COL5A3: variants seen among roughly 807,000 people sequenced by gnomAD.
COL5A3 encodes collagen type V alpha 3 chain.
COL5A3 carries 172 observed loss-of-function variants against 250.0 expected under a neutral mutation model. The ratio of observed to expected loss-of-function variants is 0.69; its 90% confidence interval spans 0.61 to 0.78. The LOEUF is 0.78. COL5A3 is among the 30% of genes least tolerant of loss of function. The pLI is 0.00. For synonymous variants in COL5A3, 937 were observed against 900.4 expected (o/e 1.04, Z -0.73); for missense variants, 2,340 against 2,334.4 (o/e 1.00, Z -0.05).
At chr19:9,967,292 C>G in intron 62 of COL5A3, 55 bp downstream of exon 62, 2 of 1,304,668 alleles carry the variant, frequency 1.5e-6, no homozygotes, top group South Asian at 4.0e-5. Flanking sequence ...CAGACATAGT[C>G]CTTGCTCTCC....
chr19:9,999,359 A>ATTT (rs1260247682), intron 8 of COL5A3, among the ~76,000 whole-genome samples: 35 of 141,404 alleles, frequency 2.5e-4, no homozygotes, highest in African/African-American at 9.4e-4. Flanking sequence ...ATGCCCAGCT[A>ATTT]TTTTTTATTT....
chr19:10,003,773 AG>A (rs1392852108), intron 5 of COL5A3, 59 bp from the exon 6 acceptor site: 1 of 1,602,194 alleles, frequency 6.2e-7, no homozygotes, highest in Non-Finnish European at 8.5e-7. Context: ...CCCATCATTC[AG>A]GTCACCTGGG....
At chr19:9,990,060 AGACACACTTCTGT>A (rs563149490) in intron 24 of COL5A3, among the ~76,000 whole-genome samples, 56,517 of 142,898 alleles carry the variant, frequency 0.4, 11,664 homozygotes, top group African/African-American at 0.58. Context: ...CTTCCCTGGC[AGACACACTTCTGT>A]GTGATAATTT....
rs774328155 is a variant in COL5A3, at chr19:9,996,242, A to AG, written c.1442dup (p.Gly482TrpfsTer66). ...GGCGCCCAGTGAGCCCCACTGGACC[A>AG]GGGGGGCCTTTCATAGAGAGCTGGA... On this transcript the variant is annotated frameshift_variant, in exon 14 of 67. Transcript: ENST00000264828. LOFTEE classifies it high-confidence loss of function. The AG allele has an allele frequency of 8.9e-6, 14 of 1,576,106 alleles. No individual in the cohort carries two copies. The highest frequency in any genetic ancestry group is 2.3e-5 in the South Asian group (2 of 85,428).
Position 10,006,104 on chromosome 19 carries a change from C to G in COL5A3, c.216G>C (p.Thr72=). 1 of 1,613,982 alleles carries G rather than the reference C, an allele frequency of 6.2e-7. No homozygotes were observed. The highest frequency in any genetic ancestry group is 8.5e-7 in the Non-Finnish European group (1 of 1,179,908). The part of the protein sequence containing the change: ...DRAFRIGQAS[T]LGIPTWELFP... The stretch of plus-strand genomic sequence containing the variant: ...AGAGTTCCCACGTGGGGATGCCGAG[C>G]GTGCTGGCCTGGCCAATTCTGAATG... The change falls in exon 2 of 67, where the codon ACG becomes ACC. Residue 72 remains threonine, a synonymous_variant. Transcript: ENST00000264828.
At chr19:9,988,855 A>AGAGAGAGAAAG (rs1555738984) in intron 27 of COL5A3, among the ~76,000 whole-genome samples, 16 of 104,762 alleles carry the variant, frequency 1.5e-4, no homozygotes, top group African/African-American at 4.9e-4. Flanking sequence ...AAAAAAAAAA[A>AGAGAGAGAAAG]AAAGAAAGTA....
At chr19:9,970,352 T>TG (rs1568407677) in intron 54 of COL5A3, among the ~76,000 whole-genome samples, 75 of 46,994 alleles carry the variant, frequency 1.6e-3, no homozygotes, top group Non-Finnish European at 1.9e-3. Context: ...GTGTGTTCTG[T>TG]GGCTGAGTGG....
chr19:9,979,438 T>C, intron 37 of COL5A3, 21 bp from the exon 38 acceptor site: 1 of 1,613,354 alleles, frequency 6.2e-7, no homozygotes, highest in South Asian at 1.1e-5. Context: ...AAATTAAATG[T>C]GGGGGCGGTG....
At chr19:9,985,055 TCTC>T (rs933241275) in intron 31 of COL5A3, among the ~76,000 whole-genome samples, 41 of 149,676 alleles carry the variant, frequency 2.7e-4, no homozygotes, top group African/African-American at 9.7e-4. Context: ...GTCAAACAAT[TCTC>T]CTGTCTCAGC....
rs1427950169 is a variant in COL5A3, at chr19:9,985,851, A to C, written c.2397T>G (p.Pro799=). The C allele has an allele frequency of 6.2e-7, 1 of 1,613,694 alleles. No homozygotes were observed. The highest frequency in any genetic ancestry group is 1.7e-5 in the Admixed American group (1 of 59,972). The change falls in exon 31 of 67, where the codon CCT becomes CCG. Residue 799 remains proline (P), a synonymous_variant. Transcript: ENST00000264828. ...VPGLPGYPGR[P]GPKGSIGFPG... is the part of the protein sequence containing the mutation. ...ACCCCCAGCTTCCTACCTTAGGTCC[A>C]GGGCGTCCTGGATAACCTGGGAGGC...
intron 11 of COL5A3, chr19:9,997,045 G>C: frequency 3.7e-6 from 2 of 533,402 alleles, no homozygotes; most frequent in Admixed American, 7.2e-5. Context: ...CGAACATAGA[G>C]AGATGGACGG....
chr19:9,982,960 A>C (rs2087031020), intron 31 of COL5A3, among the ~76,000 whole-genome samples: 1 of 152,004 alleles, frequency 6.6e-6, no homozygotes, highest in African/African-American at 2.4e-5. Context: ...GGCTCAAGTG[A>C]TCCTCCTACC....
chr19:9,996,791 G>GA, intron 11 of COL5A3, 102 bp from the exon 12 acceptor site: 13 of 817,674 alleles, frequency 1.6e-5, no homozygotes, highest in Non-Finnish European at 2.3e-5. Flanking sequence ...GAGAGAGAGA[G>GA]GGAGAGATGG....
At chr19:9,986,959 G>C (rs934446988) in intron 27 of COL5A3, among the ~76,000 whole-genome samples, 1 of 152,124 alleles carries the variant, frequency 6.6e-6, no homozygotes, top group East Asian at 1.9e-4. Context: ...TCTGTGCGGG[G>C]GTGTGCAGGG....
rs1428593166 is a variant in COL5A3 at position 9,993,365 on chromosome 19, C to T, written c.1749+15G>A. The stretch of plus-strand genomic sequence containing the variant: ...TTACTTTCCAAACCAGGCCCTAACT[C>T]TCTTCCAAACTTACCCTCTCACCAT... On this transcript the variant is annotated intron_variant, in intron 19 of 66. Coordinates refer to ENST00000264828, the MANE Select transcript of COL5A3 (RefSeq NM_015719.4). The T allele has an allele frequency of 1.2e-6, 2 of 1,613,878 alleles. No homozygotes were observed. Among genetic ancestry groups the T allele is most frequent in the African/African-American group, 2.7e-5 (2 of 74,928 alleles).
chr19:9,976,201 T>C (rs1257632076), intron 45 of COL5A3, among the ~76,000 whole-genome samples: 3 of 151,788 alleles, frequency 2.0e-5, no homozygotes. Context: ...AATTCTGGGG[T>C]TGAGTTCACA....
intron 5 of COL5A3, 22 bp from the exon 6 acceptor site, chr19:10,003,736 G>A (rs926783356): frequency 8.1e-6 from 13 of 1,613,388 alleles, no homozygotes; most frequent in Non-Finnish European, 1.0e-5. Flanking sequence ...GTTCCAGTCA[G>A]GTCTAGAGCA....
At position 9,967,921 on chromosome 19, in the gene COL5A3, CT is replaced by C. The variant is rs1238144862; in HGVS notation, c.4386del (p.Gly1463AlafsTer61). The C allele has an allele frequency of 1.2e-6, 2 of 1,613,162 alleles. No homozygotes were observed. The highest frequency in any genetic ancestry group is 1.7e-6 in the Non-Finnish European group (2 of 1,179,704). On this transcript the variant is annotated frameshift_variant, in exon 61 of 67. Transcript: ENST00000264828. LOFTEE classifies it high-confidence loss of function. ...GTACTCACCGGAGACCCTTTTGAGC[CT>C]TTCTGTCCTAGAGGGCCCTGTAGGG... The part of the protein sequence containing the change: ...PPGVAGPLGQ[K>X]GSKGSPGSMG...
At position 9,990,720 on chromosome 19, in the gene COL5A3, G is replaced by A. The variant is rs1042253701; in HGVS notation, c.1992+890C>T. Among the ~76,000 whole-genome samples the A allele has an allele frequency of 9.9e-5, 15 of 151,482 alleles. 1 individual carries two copies. The highest frequency in any genetic ancestry group is 5.9e-4 in the Admixed American group (9 of 15,188). Reference sequence around the variant, plus strand: ...TGGGACTACAGGCGCGCGCCACCACGCCCGGCTAATTTTTTGGTATTTTTA... The same window carrying A: ...TGGGACTACAGGCGCGCGCCACCACACCCGGCTAATTTTTTGGTATTTTTA... On this transcript the variant is annotated intron_variant, in intron 24 of 66. Coordinates refer to ENST00000264828, the MANE Select transcript of COL5A3 (RefSeq NM_015719.4).
Sources: allele counts gnomAD v4.1 joint callset (sites outside exome capture counted in the v4.1 genomes callset), GRCh38; gene constraint gnomAD v4.1.1; transcripts MANE v1.5; gene names NCBI Gene and HGNC (gene_info 2026-07-23, HGNC 2026-07-21).